GNB4: variants seen among roughly 807,000 people sequenced by gnomAD.
GNB4 encodes G protein subunit beta 4, also known as guanine nucleotide-binding protein subunit beta-4.
Under a neutral mutation model 45.2 loss-of-function variants are expected in GNB4, and 28 were observed. That is an observed-to-expected ratio of 0.62 (90% CI 0.46 to 0.85). GNB4 has a LOEUF of 0.85. Ranked by LOEUF, GNB4 falls within the 40% of genes least tolerant of loss-of-function variation. GNB4 has a pLI of 0.00. For missense variants in GNB4, 321 were observed against 425.4 expected, an observed-to-expected ratio of 0.75 and a Z score of 2.16; for synonymous variants, 132 against 143.7, an observed-to-expected ratio of 0.92 and a Z score of 0.58.
the GNB4 span, among the ~76,000 whole-genome samples, chr3:179,460,696 G>C: frequency 4.0e-5 from 6 of 151,748 alleles, no homozygotes; most frequent in Non-Finnish European, 7.4e-5. Context: ...TAAAGATAGA[G>C]TCTCACTATG....
At chr3:179,439,885 C>T (rs747826250) in intron 1 of GNB4, among the ~76,000 whole-genome samples, 8 of 152,156 alleles carry the variant, frequency 5.3e-5, no homozygotes, top group Admixed American at 2.0e-4. Flanking sequence ...ATAAACCTCA[C>T]GAAATAATTG....
At chr3:179,525,900 G>T in the GNB4 span, among the ~76,000 whole-genome samples, 1 of 152,112 alleles carries the variant, frequency 6.6e-6, no homozygotes, top group Non-Finnish European at 1.5e-5. Flanking sequence ...TGGAGTGAGG[G>T]TGAGGACAGG....
intron 4 of GNB4, among the ~76,000 whole-genome samples, chr3:179,418,491 AAAAAG>A (rs1412301422): frequency 6.6e-6 from 1 of 151,426 alleles, no homozygotes; most frequent in Non-Finnish European, 1.5e-5. Context: ...AAAAAAAAGA[AAAAAG>A]AAAAGAAAAA....
At chr3:179,460,666 C>A in the GNB4 span, among the ~76,000 whole-genome samples, 1 of 151,558 alleles carries the variant, frequency 6.6e-6, no homozygotes, top group Non-Finnish European at 1.5e-5. Context: ...CTAAATCAAC[C>A]TTTTTTTTAA....
chr3:179,464,744 G>A, the GNB4 span: 1 of 1,139,816 alleles, frequency 8.8e-7, no homozygotes, highest in Non-Finnish European at 1.3e-6. Flanking sequence ...TTGTTCAGCT[G>A]CCTCTTCCAG....
chr3:179,434,303 T>C (rs1577037231), intron 1 of GNB4, among the ~76,000 whole-genome samples: 1 of 152,092 alleles, frequency 6.6e-6, no homozygotes, highest in South Asian at 2.1e-4. Context: ...ACATGCAACA[T>C]AGATAAATCT....
the GNB4 span, among the ~76,000 whole-genome samples, chr3:179,489,002 AAAAAAAAAAAAAAAAAAATATATATATAT>A: frequency 5.5e-5 from 2 of 36,618 alleles, 1 homozygote; most frequent in Non-Finnish European, 9.1e-5. Flanking sequence ...AAAAAAAAAA[AAAAAAAAAAAAAAAAAAATATATATATAT>A]ATATATATAT....
At chr3:179,420,581 A>G (rs1209082024) in intron 3 of GNB4, among the ~76,000 whole-genome samples, 2 of 151,046 alleles carry the variant, frequency 1.3e-5, no homozygotes, top group Non-Finnish European at 3.0e-5. Context: ...TCCTGCCTCA[A>G]CCTCCCGACT....
chr3:179,464,633 A>C, the GNB4 span: 1 of 1,174,760 alleles, frequency 8.5e-7, no homozygotes, highest in South Asian at 1.2e-5. Context: ...CAGATGTGGG[A>C]ATCAACAGTG....
At chr3:179,507,420 GAGGA>G in the GNB4 span, among the ~76,000 whole-genome samples, 266 of 152,266 alleles carry the variant, frequency 1.7e-3, no homozygotes, top group African/African-American at 5.4e-3. Context: ...AGGGAAGAAG[GAGGA>G]AGGAAGGAAG....
chr3:179,411,860 T>C (rs953968401), intron 8 of GNB4, among the ~76,000 whole-genome samples: 5 of 152,224 alleles, frequency 3.3e-5, no homozygotes, highest in African/African-American at 1.2e-4. Context: ...AATTAGAATG[T>C]TTCTCAAACA....
chr3:179,451,264 G>A (rs1715866387), intron 1 of GNB4, 82 bp downstream of exon 1: 1 of 151,456 alleles, frequency 6.6e-6, no homozygotes, highest in South Asian at 2.1e-4. Flanking sequence ...GGTGGCTCGC[G>A]GCGCCCCACG....
At chr3:179,459,180 C>T in the GNB4 span, among the ~76,000 whole-genome samples, 2 of 152,212 alleles carry the variant, frequency 1.3e-5, no homozygotes, top group Non-Finnish European at 2.9e-5. Context: ...AACCCCCCAT[C>T]TTCAAGTCCT....
chr3:179,522,475 G>A, the GNB4 span, among the ~76,000 whole-genome samples: 2 of 143,020 alleles, frequency 1.4e-5, no homozygotes, highest in African/African-American at 3.1e-5. Flanking sequence ...TCGCACGGAC[G>A]CGAGTGAAAG....
At chr3:179,485,000 GTTTTGTTTTTTT>G in the GNB4 span, among the ~76,000 whole-genome samples, 166 of 124,188 alleles carry the variant, frequency 1.3e-3, 7 homozygotes, top group East Asian at 2.1e-3. Flanking sequence ...AACTTTTTTC[GTTTTGTTTTTTT>G]TTTTTTTTTT....
At position 179,400,240 on chromosome 3, in the gene GNB4, C is replaced by T. The variant is rs1050186649; in HGVS notation, c.*973G>A. ...CCGTATTACAACAAATATGTGCTAG[C>T]GATTGGTTAGATTTCACACTTCTCT... On this transcript the variant is annotated 3_prime_UTR_variant, in exon 10 of 10. Transcript: ENST00000232564. The T allele has an allele frequency of 3.3e-5, 5 of 152,150 alleles. 1 individual carries two copies. The highest frequency in any genetic ancestry group is 7.2e-5 in the African/African-American group (3 of 41,424). The allele number at this position is 152,150 out of a possible 1,614,324, so 9.4% of individuals were successfully genotyped here. A position where few individuals can be genotyped will look rare whatever the true frequency, so the allele number is the denominator to read the frequency against.
At chr3:179,485,936 T>C in the GNB4 span, among the ~76,000 whole-genome samples, 7 of 150,116 alleles carry the variant, frequency 4.7e-5, no homozygotes, top group African/African-American at 1.7e-4. Flanking sequence ...AGACTCTGTC[T>C]CAAAACAAAA....
At position 179,396,546 on chromosome 3, in the gene GNB4, GAAAT is replaced by G. The variant is rs993843473; in HGVS notation, c.*4663_*4666del. The G allele has an allele frequency of 2.6e-5, 4 of 152,132 alleles. No individual in the cohort carries two copies. Among genetic ancestry groups the G allele is most frequent in the South Asian group, 2.1e-4 (1 of 4,834 alleles). The allele number at this position is 152,132 out of a possible 1,614,324, so 9.4% of individuals were successfully genotyped here. The stretch of plus-strand genomic sequence containing the variant: ...ATATCACTGAAGTTCTATTAATTAA[GAAAT>G]AAATACTGTATGATGTAAGATTTTG... On this transcript the variant is annotated 3_prime_UTR_variant, in exon 10 of 10. Transcript: ENST00000232564.
chr3:179,469,717 A>G, the GNB4 span, among the ~76,000 whole-genome samples: 1 of 152,238 alleles, frequency 6.6e-6, no homozygotes, highest in Non-Finnish European at 1.5e-5. Context: ...CTTAAACCTT[A>G]GGAAACCATT....
Sources: gnomAD v4.1 joint callset for allele counts (sites outside exome capture counted in the v4.1 genomes callset) on GRCh38, gnomAD v4.1.1 for gene constraint, MANE v1.5 for transcripts, NCBI Gene and HGNC (gene_info 2026-07-23, HGNC 2026-07-21) for gene names.